The following GRIK3 variants were observed in gnomAD, a reference collection of about 807,000 sequenced individuals.
The protein encoded by GRIK3 is glutamate receptor ionotropic, kainate 3.
In GRIK3, 29 loss-of-function variants were observed where a neutral mutation model predicts 102.5. That is an observed-to-expected ratio of 0.28 (90% confidence interval 0.21 to 0.39). The LOEUF is 0.39. Among genes scored for constraint, GRIK3 ranks in the 10% least tolerant of loss-of-function variants. The probability of loss-of-function intolerance (pLI) is 1.00; values close to 1 mark genes in which losing one functional copy is unlikely to be tolerated. For missense variants in GRIK3, 908 were observed against 1,252.4 expected (o/e 0.73, Z 4.15); for synonymous variants, 511 against 504.9 (o/e 1.01, Z -0.16).
intron 1 of GRIK3, among the ~76,000 whole-genome samples, chr1:36,919,571 C>T (rs1354494058): frequency 1.3e-5 from 2 of 152,026 alleles, no homozygotes; most frequent in African/African-American, 4.8e-5. Context: ...AGGAGTCAGG[C>T]ATGGTCATGC....
chr1:36,841,884 C>T lies in GRIK3; in HGVS notation c.1382G>A (p.Arg461Gln), dbSNP rs748195015. ...KSDRTLYGND[R>Q]FEGYCIDLLK... ...CAGGTCGATGCAGTAGCCCTCGAAC[C>T]GGTCATTCCCGTATAGCGTCCTGTC... Residue 461 changes from arginine (R) to glutamine (Q), a missense_variant, in exon 10 of 16, where the codon CGG becomes CAG. Coordinates refer to ENST00000373091, the MANE Select transcript of GRIK3 (RefSeq NM_000831.4). The T allele has an allele frequency of 2.0e-5, 33 of 1,614,038 alleles. No individual in the cohort carries two copies. The highest frequency in any genetic ancestry group is 9.3e-5 in the African/African-American group (7 of 74,918).
At chr1:36,864,686 G>C (rs1457774872) in intron 5 of GRIK3, among the ~76,000 whole-genome samples, 1 of 152,188 alleles carries the variant, frequency 6.6e-6, no homozygotes, top group East Asian at 1.9e-4. Context: ...GCAGGTTGGG[G>C]TGGTAGTGAT....
At chr1:36,890,647 G>C (rs975351523) in intron 2 of GRIK3, among the ~76,000 whole-genome samples, 25 of 152,260 alleles carry the variant, frequency 1.6e-4, no homozygotes, top group Admixed American at 1.6e-3. Flanking sequence ...TACTTCCTAC[G>C]TGCCAGCGCT....
intron 1 of GRIK3, among the ~76,000 whole-genome samples, chr1:36,992,814 T>A (rs993028982): frequency 1.3e-5 from 2 of 152,162 alleles, no homozygotes; most frequent in Non-Finnish European, 2.9e-5. Context: ...ACACCATCAC[T>A]ACCCACATTT....
intron 1 of GRIK3, among the ~76,000 whole-genome samples, chr1:36,899,967 C>A (rs186775164): frequency 6.6e-6 from 1 of 152,294 alleles, no homozygotes; most frequent in Non-Finnish European, 1.5e-5. Context: ...CTTCAACACC[C>A]TTTTATCAGA....
At chr1:36,805,353 G>T in intron 14 of GRIK3, 116 bp from the exon 15 acceptor site, 1 of 1,055,030 alleles carries the variant, frequency 9.5e-7, no homozygotes, top group Non-Finnish European at 1.4e-6. Flanking sequence ...GCTCATGAAA[G>T]GGGGTCCCTA....
intron 1 of GRIK3, among the ~76,000 whole-genome samples, chr1:37,011,618 G>A (rs1642596825): frequency 6.6e-6 from 1 of 152,198 alleles, no homozygotes; most frequent in African/African-American, 2.4e-5. Context: ...AGCATGCAGT[G>A]GAGGCTGGTG....
chr1:37,030,723 C>T (rs908826968), intron 1 of GRIK3, among the ~76,000 whole-genome samples: 1 of 152,038 alleles, frequency 6.6e-6, no homozygotes, highest in Non-Finnish European at 1.5e-5. Flanking sequence ...CCAGGCTGGC[C>T]CTCAATCCTA....
chr1:36,955,299 G>A (rs1457763212), intron 1 of GRIK3, among the ~76,000 whole-genome samples: 1 of 152,178 alleles, frequency 6.6e-6, no homozygotes, highest in African/African-American at 2.4e-5. Flanking sequence ...TGGGGCGGTG[G>A]GGTACAGGGG....
intron 12 of GRIK3, among the ~76,000 whole-genome samples, chr1:36,818,973 G>A (rs1019033930): frequency 6.6e-6 from 1 of 152,184 alleles, no homozygotes; most frequent in African/African-American, 2.4e-5. Context: ...AGGGGGCGGT[G>A]TCCTTTCCTG....
At chr1:36,816,750 C>G (rs915007497) in intron 13 of GRIK3, among the ~76,000 whole-genome samples, 2 of 152,216 alleles carry the variant, frequency 1.3e-5, no homozygotes, top group Admixed American at 1.3e-4. Context: ...GGCTCTTCCC[C>G]TCCTTCCCAC....
chr1:36,954,280 G>A (rs941209655), intron 1 of GRIK3, among the ~76,000 whole-genome samples: 2 of 152,160 alleles, frequency 1.3e-5, no homozygotes, highest in Non-Finnish European at 2.9e-5. Context: ...AGCCTAAGAC[G>A]TCTTGGAATG....
rs578011680 is a variant in GRIK3, at chr1:36,972,042, C to T, written c.115+61952G>A. Reference sequence around the variant, plus strand: ...AACTTCTCTGAATGGAAATGAATCACGGAGCCAGGCAGGAGGGGGCTTGAG... The same window carrying T: ...AACTTCTCTGAATGGAAATGAATCATGGAGCCAGGCAGGAGGGGGCTTGAG... On this transcript the variant is annotated intron_variant, in intron 1 of 15. Coordinates refer to ENST00000373091, the MANE Select transcript of GRIK3 (RefSeq NM_000831.4). Among the ~76,000 whole-genome samples the T allele has an allele frequency of 8.5e-5, 13 of 152,344 alleles. No homozygotes were observed. In the South Asian group the frequency reaches 1.0e-3, roughly 12 times the overall value.
At chr1:36,890,563 T>A (rs755716695) in intron 2 of GRIK3, among the ~76,000 whole-genome samples, 11 of 151,916 alleles carry the variant, frequency 7.2e-5, no homozygotes, top group Admixed American at 1.3e-4. Context: ...ACACAGAAAT[T>A]GGGTCTCTGA....
chr1:36,949,075 G>C (rs1017377831), intron 1 of GRIK3, among the ~76,000 whole-genome samples: 1 of 152,208 alleles, frequency 6.6e-6, no homozygotes, highest in South Asian at 2.1e-4. Context: ...GTGAAGGTGG[G>C]ACCCAGGGAA....
intron 1 of GRIK3, among the ~76,000 whole-genome samples, chr1:36,953,312 A>C (rs1326296327): frequency 6.6e-6 from 1 of 152,168 alleles, no homozygotes; most frequent in Non-Finnish European, 1.5e-5. Context: ...GCACAGGTAG[A>C]GGGCAAGAGG....
intron 1 of GRIK3, among the ~76,000 whole-genome samples, chr1:36,932,408 TG>T (rs1463631864): frequency 6.6e-6 from 1 of 152,154 alleles, no homozygotes; most frequent in East Asian, 1.9e-4. Context: ...AGTCCCCTCT[TG>T]TACCAGAGTA....
chr1:36,965,839 A>T (rs1054954413), intron 1 of GRIK3, among the ~76,000 whole-genome samples: 4 of 152,200 alleles, frequency 2.6e-5, no homozygotes, highest in Non-Finnish European at 4.4e-5. Context: ...ATTACACATG[A>T]TTTACAGCCC....
At chr1:36,928,862 G>A (rs966331430) in intron 1 of GRIK3, among the ~76,000 whole-genome samples, 2 of 152,180 alleles carry the variant, frequency 1.3e-5, no homozygotes, top group Admixed American at 6.5e-5. Context: ...GAGAACTAGG[G>A]GCATCTTAGT....
Sources: allele counts gnomAD v4.1 joint callset (sites outside exome capture counted in the v4.1 genomes callset), GRCh38; gene constraint gnomAD v4.1.1; transcripts MANE v1.5; gene names NCBI Gene and HGNC (gene_info 2026-07-23, HGNC 2026-07-21).